Variants in ZNF66 observed in about 807,000 individuals in gnomAD.
ZNF66 encodes zinc finger protein 66, also known as putative zinc finger protein 66.
ZNF66 carries 32 observed loss-of-function variants against 35.2 expected under a neutral mutation model. That is an observed-to-expected ratio of 0.91 (90% CI 0.69 to 1.22). ZNF66 has a LOEUF of 1.22. ZNF66 is among the 50% of genes most tolerant of loss of function. The pLI is 0.00. For synonymous variants in ZNF66, 231 were observed against 181.3 expected (o/e 1.27, Z -2.20); for missense variants, 666 against 543.1 (o/e 1.23, Z -2.25).
At chr19:20,805,725 C>A in intron 3 of ZNF66, 102 bp from the exon 4 acceptor site, 1 of 433,044 alleles carries the variant, frequency 2.3e-6, no homozygotes. Context: ...TTTGCTACAT[C>A]ATCTTGTTTA....
At position 20,806,791 on chromosome 19, in the gene ZNF66, C is replaced by T. The variant is rs1400908414; in HGVS notation, c.1191C>T (p.Tyr397=). 5 of 1,315,764 alleles carry T rather than the reference C, an allele frequency of 3.8e-6. No homozygotes were observed. The highest frequency in any genetic ancestry group is 5.5e-6 in the Non-Finnish European group (5 of 911,608). 81.5% of individuals were successfully genotyped at this position (1,315,764 alleles called of 1,614,324 possible). Residue 397 remains tyrosine, a synonymous_variant, in exon 4 of 4, where the codon TAC becomes TAT. Coordinates refer to ENST00000344519, the MANE Select transcript of ZNF66 (RefSeq NM_001355197.2). ...TAATTCATACTGGAAAGAAACCTTA[C>T]AAATGTGAAGAATGTGGCAAAGTGT... is the stretch of plus-strand genomic sequence containing the variant. ...HKIIHTGKKP[Y]KCEECGKVFK...
At chr19:20,794,469 CATT>C (rs916655855) in intron 3 of ZNF66, 2 of 148,690 alleles carry the variant, frequency 1.3e-5, no homozygotes, top group African/African-American at 4.9e-5. Flanking sequence ...TTGTATTTTC[CATT>C]ATTGTAAAAA....
rs778733871 is a variant in ZNF66, at chr19:20,806,665, C to G, written c.1065C>G (p.Thr355=). The part of the protein sequence containing the change: ...ECGKGFKYSS[T]LTKHKIIHTG... Reference sequence around the variant, plus strand: ...GCAAAGGCTTTAAGTACTCCTCTACCCTTACTAAACATAAAATAATCCATA... The same window carrying G: ...GCAAAGGCTTTAAGTACTCCTCTACGCTTACTAAACATAAAATAATCCATA... The change falls in exon 4 of 4, where the codon ACC becomes ACG. Residue 355 remains threonine (T), a synonymous_variant. Coordinates refer to ENST00000344519, the MANE Select transcript of ZNF66 (RefSeq NM_001355197.2). The G allele has an allele frequency of 8.8e-5, 133 of 1,511,134 alleles. No homozygotes were observed. The highest frequency in any genetic ancestry group is 1.7e-5 in the Non-Finnish European group (19 of 1,089,166). The allele number at this position is 1,511,134 out of a possible 1,614,324, so 93.6% of individuals were successfully genotyped here. A position where few individuals can be genotyped will look rare whatever the true frequency, so the allele number is the denominator to read the frequency against.
At chr19:20,799,744 C>G (rs1199396667) in intron 3 of ZNF66, among the ~76,000 whole-genome samples, 3 of 152,138 alleles carry the variant, frequency 2.0e-5, no homozygotes, top group Non-Finnish European at 2.9e-5. Flanking sequence ...ATCATTTGAT[C>G]ATATACAGAA....
intron 1 of ZNF66, among the ~76,000 whole-genome samples, chr19:20,791,968 G>A (rs1436961107): frequency 6.6e-6 from 1 of 151,744 alleles, no homozygotes; most frequent in Non-Finnish European, 1.5e-5. Flanking sequence ...GGAAAATTAA[G>A]GCTCTTATCT....
intron 3 of ZNF66, among the ~76,000 whole-genome samples, chr19:20,801,382 T>C (rs1159322195): frequency 1.3e-5 from 2 of 151,750 alleles, no homozygotes; most frequent in African/African-American, 4.9e-5. Context: ...TCACTGTTGT[T>C]ACCCAGGCTG....
rs763738375 is a variant in ZNF66, at chr19:20,776,416, C to G, written c.-32C>G. 3 of 1,556,716 alleles carry G rather than the reference C, an allele frequency of 1.9e-6. No individual in the cohort carries two copies. Among genetic ancestry groups the G allele is most frequent in the Non-Finnish European group, 2.7e-6 (3 of 1,129,770 alleles). On this transcript the variant is annotated 5_prime_UTR_variant, in exon 1 of 4. Transcript: ENST00000344519. ...CCTGCAGGTATTGGGAGATCCACAG[C>G]TAAGACGCCAGGACCCCCTGGAAGC...
intron 1 of ZNF66, chr19:20,784,952 G>T (rs1341602470): frequency 6.5e-6 from 1 of 152,998 alleles, no homozygotes; most frequent in African/African-American, 2.4e-5. Flanking sequence ...CTAGTATCCC[G>T]TGGTGTCTGA....
At chr19:20,803,341 T>C in intron 3 of ZNF66, among the ~76,000 whole-genome samples, 1 of 148,894 alleles carries the variant, frequency 6.7e-6, no homozygotes, top group East Asian at 1.9e-4. Context: ...TTGACATGCT[T>C]TCAGTTTCTT....
intron 1 of ZNF66, among the ~76,000 whole-genome samples, chr19:20,779,384 A>G (rs577656326): frequency 3.9e-5 from 6 of 152,262 alleles, no homozygotes; most frequent in African/African-American, 1.2e-4. Context: ...TGAAAAAGTC[A>G]GATTTTAGAT....
intron 1 of ZNF66, among the ~76,000 whole-genome samples, chr19:20,781,785 G>A (rs1971247644): frequency 6.6e-6 from 1 of 152,114 alleles, no homozygotes; most frequent in Non-Finnish European, 1.5e-5. Flanking sequence ...TGGGATTACA[G>A]GTGTGAGCAC....
chr19:20,782,973 T>G (rs1481687250), intron 1 of ZNF66, among the ~76,000 whole-genome samples: 2 of 152,236 alleles, frequency 1.3e-5, no homozygotes, highest in Admixed American at 6.6e-5. Flanking sequence ...GCAGATTTTC[T>G]TATAATTTTA....
chr19:20,800,642 A>G (rs184819155), intron 3 of ZNF66, among the ~76,000 whole-genome samples: 73 of 152,214 alleles, frequency 4.8e-4, no homozygotes, highest in African/African-American at 1.4e-3. Context: ...TCTTCACCTC[A>G]CACTTACTCT....
chr19:20,804,983 A>G (rs2144917086), intron 3 of ZNF66, among the ~76,000 whole-genome samples: 1 of 152,254 alleles, frequency 6.6e-6, no homozygotes, highest in Admixed American at 6.5e-5. Context: ...CATTTCCTTC[A>G]GCATTTTATG....
intron 2 of ZNF66, among the ~76,000 whole-genome samples, chr19:20,792,859 G>A (rs150219317): frequency 0.038 from 5,816 of 152,080 alleles, 118 homozygotes; most frequent in African/African-American, 0.053. Flanking sequence ...CCTGAGGCCA[G>A]GAGTTTGAGA....
chr19:20,802,792 T>G (rs1457195918), intron 3 of ZNF66, among the ~76,000 whole-genome samples: 2 of 152,178 alleles, frequency 1.3e-5, no homozygotes, highest in Non-Finnish European at 2.9e-5. Context: ...AATATCCTAC[T>G]ATAATTATAT....
intron 1 of ZNF66, among the ~76,000 whole-genome samples, chr19:20,777,744 G>T (rs1256311230): frequency 1.3e-5 from 2 of 151,978 alleles, no homozygotes; most frequent in African/African-American, 4.8e-5. Context: ...TCCTGCTTCA[G>T]CCTCTCCAGT....
At chr19:20,784,540 T>C (rs760990958) in intron 1 of ZNF66, 16 of 152,214 alleles carry the variant, frequency 1.1e-4, no homozygotes, top group Non-Finnish European at 1.9e-4. Flanking sequence ...CAGTTAGCTA[T>C]GTTGCAAGTT....
At position 20,806,871 on chromosome 19, in the gene ZNF66, C is replaced by T. The variant is rs750285617; in HGVS notation, c.1271C>T (p.Pro424Leu). 3.8e-5 allele frequency: 52 copies of T among 1,351,104 alleles called. No individual in the cohort carries two copies. Among genetic ancestry groups the T allele is most frequent in the Non-Finnish European group, 5.4e-5 (51 of 942,768 alleles). 83.7% of individuals were successfully genotyped at this position (1,351,104 alleles called of 1,614,324 possible). A position where few individuals can be genotyped will look rare whatever the true frequency, so the allele number is the denominator to read the frequency against. ...KHKRIHTGEK[P>L]YKCEECGKAF... ...AAGAGAATTCATACTGGAGAGAAACCCTACAAATGTGAAGAATGTGGCAAA... is the reference window on the plus strand; with the variant it reads ...AAGAGAATTCATACTGGAGAGAAACTCTACAAATGTGAAGAATGTGGCAAA... Residue 424 changes from proline to leucine, a missense_variant, in exon 4 of 4, where the codon CCC (proline) becomes CTC (leucine). By Grantham distance (98) the Pro-to-Leu change is moderately conservative. Coordinates refer to ENST00000344519, the MANE Select transcript of ZNF66 (RefSeq NM_001355197.2).
Sources: gnomAD v4.1 joint callset for allele counts (sites outside exome capture counted in the v4.1 genomes callset) on GRCh38, gnomAD v4.1.1 for gene constraint, MANE v1.5 for transcripts, NCBI Gene and HGNC (gene_info 2026-07-23, HGNC 2026-07-21) for gene names.